The following EFCAB11 variants were observed in gnomAD, a reference collection of about 807,000 sequenced individuals.
The protein encoded by EFCAB11 is EF-hand calcium-binding domain-containing protein 11.
EFCAB11 carries 14 observed loss-of-function variants against 23.0 expected under a neutral mutation model. The ratio of observed to expected loss-of-function variants is 0.61; its 90% confidence interval spans 0.40 to 0.95. The LOEUF (loss-of-function observed/expected upper bound fraction) is 0.95. EFCAB11 is among the 40% of genes least tolerant of loss of function. EFCAB11 has a pLI of 0.00. For synonymous variants in EFCAB11, 65 were observed against 66.6 expected (o/e 0.98, Z 0.11); for missense variants, 198 against 195.8 (o/e 1.01, Z -0.07).
intron 5 of EFCAB11, among the ~76,000 whole-genome samples, chr14:89,906,842 A>G (rs372373401): frequency 1.2e-4 from 19 of 152,364 alleles, no homozygotes; most frequent in African/African-American, 4.3e-4. Context: ...AGTATTTATC[A>G]TGCACATAGT....
intron 5 of EFCAB11, among the ~76,000 whole-genome samples, chr14:89,850,421 T>C (rs1887569367): frequency 6.6e-6 from 1 of 152,184 alleles, no homozygotes; most frequent in Admixed American, 6.5e-5. Context: ...TAGATGCTAA[T>C]TTTAGGCCCT....
intron 5 of EFCAB11, among the ~76,000 whole-genome samples, chr14:89,803,338 G>C (rs1350684197): frequency 3.9e-5 from 6 of 152,222 alleles, no homozygotes; most frequent in Non-Finnish European, 4.4e-5. Context: ...GTTTTGAAAT[G>C]AGCCCAGAGA....
Position 89,913,684 on chromosome 14 carries a change from T to C in EFCAB11, c.410+17857A>G, listed in dbSNP as rs1238923368. ...CCTAATTAACAGTGTTTTATGACTTTACCAACCACGCTGAAGGCTTCTTCT... is the reference window on the plus strand; with the variant it reads ...CCTAATTAACAGTGTTTTATGACTTCACCAACCACGCTGAAGGCTTCTTCT... On this transcript the variant is annotated intron_variant, in intron 5 of 5. Coordinates refer to ENST00000316738, the MANE Select transcript of EFCAB11 (RefSeq NM_145231.4). 2.6e-5 allele frequency among the ~76,000 whole-genome samples: 4 copies of C among 152,338 alleles called. No individual in the cohort carries two copies. The East Asian group carries it at 5.8e-4, about 22-fold the overall frequency.
rs34765514 is a variant in EFCAB11, at chr14:89,945,912, AT to A, written c.217+4184del. On this transcript the variant is annotated intron_variant, in intron 3 of 5. Coordinates refer to ENST00000316738, the MANE Select transcript of EFCAB11 (RefSeq NM_145231.4). ...TATTTTGAATTTCCATTATTAGGGG[AT>A]TTTTTTTTTTTATTTTTTTTTTTGA... Among the ~76,000 whole-genome samples the A allele has an allele frequency of 1.8e-3, 242 of 135,574 alleles. 1 individual carries two copies. Among genetic ancestry groups the A allele is most frequent in the African/African-American group, 5.1e-3 (187 of 36,588 alleles). The allele number at this position is 135,574 out of a possible 152,430, so 88.9% of individuals were successfully genotyped here.
intron 5 of EFCAB11, among the ~76,000 whole-genome samples, chr14:89,920,699 A>G (rs1281865416): frequency 6.6e-6 from 1 of 152,206 alleles, no homozygotes; most frequent in African/African-American, 2.4e-5. Context: ...ACCATTAAAT[A>G]TGTCAATATG....
At chr14:89,862,826 G>A (rs1037133330) in intron 5 of EFCAB11, among the ~76,000 whole-genome samples, 5 of 152,156 alleles carry the variant, frequency 3.3e-5, no homozygotes, top group African/African-American at 4.8e-5. Flanking sequence ...TCCTGGAGAA[G>A]GTAAGACAAA....
intron 5 of EFCAB11, among the ~76,000 whole-genome samples, chr14:89,882,985 G>A (rs1290336633): frequency 6.6e-6 from 1 of 152,038 alleles, no homozygotes; most frequent in Non-Finnish European, 1.5e-5. Flanking sequence ...GAAGAGCCGG[G>A]CGCCTCCCCA....
chr14:89,847,582 A>G (rs1008207577), intron 5 of EFCAB11, among the ~76,000 whole-genome samples: 2 of 152,130 alleles, frequency 1.3e-5, no homozygotes, highest in South Asian at 4.1e-4. Flanking sequence ...TCTACTAAAA[A>G]TACAAAATTA....
chr14:89,937,713 A>G (rs187817377), intron 3 of EFCAB11, among the ~76,000 whole-genome samples: 86 of 152,134 alleles, frequency 5.7e-4, no homozygotes, highest in African/African-American at 1.7e-3. Flanking sequence ...TTTAGTAGAG[A>G]CGGGGTTTCA....
chr14:89,917,525 G>A lies in EFCAB11; in HGVS notation c.410+14016C>T, dbSNP rs552205193. On this transcript the variant is annotated intron_variant, in intron 5 of 5. Transcript: ENST00000316738. Reference sequence around the variant, plus strand: ...CACTTAATATGGGTTTCCATATCTCGGCTATTGTGAATAATGCTGCAATTA... The same window carrying A: ...CACTTAATATGGGTTTCCATATCTCAGCTATTGTGAATAATGCTGCAATTA... 3.2e-4 allele frequency among the ~76,000 whole-genome samples: 48 copies of A among 152,118 alleles called. No individual in the cohort carries two copies. The Middle Eastern group carries it at 0.01, about 32-fold the overall frequency.
chr14:89,923,233 T>C (rs1489727442), intron 5 of EFCAB11: 4 of 152,196 alleles, frequency 2.6e-5, no homozygotes, highest in African/African-American at 7.2e-5. Flanking sequence ...CTCTGAAAAA[T>C]TGGTATTTTC....
At chr14:89,898,838 AT>A (rs35985144) in intron 5 of EFCAB11, among the ~76,000 whole-genome samples, 1 of 145,964 alleles carries the variant, frequency 6.9e-6, no homozygotes, top group Non-Finnish European at 1.5e-5. Context: ...TGCCCAGCTA[AT>A]TTTTTTTCAT....
chr14:89,935,452 A>G (rs993901379), intron 3 of EFCAB11, among the ~76,000 whole-genome samples: 1 of 136,232 alleles, frequency 7.3e-6, no homozygotes, highest in Non-Finnish European at 1.5e-5. Context: ...CCCAGGCTGG[A>G]GTGCAAAGGC....
chr14:89,810,340 C>T (rs1202317432), intron 5 of EFCAB11, among the ~76,000 whole-genome samples: 11 of 152,164 alleles, frequency 7.2e-5, no homozygotes, highest in Non-Finnish European at 1.6e-4. Context: ...TTGGATCCTG[C>T]TATTTAAATG....
intron 5 of EFCAB11, among the ~76,000 whole-genome samples, chr14:89,852,725 C>T (rs1887635038): frequency 1.3e-5 from 2 of 152,216 alleles, no homozygotes; most frequent in African/African-American, 4.8e-5. Flanking sequence ...ATTTTATCCA[C>T]AGCTAATGTG....
At chr14:89,809,564 A>G (rs1180156951) in intron 5 of EFCAB11, among the ~76,000 whole-genome samples, 1 of 152,238 alleles carries the variant, frequency 6.6e-6, no homozygotes, top group Non-Finnish European at 1.5e-5. Flanking sequence ...GTGCCCTTCT[A>G]GTAACAACTC....
At position 89,797,271 on chromosome 14, in the gene EFCAB11, G is replaced by A. The variant is rs1380263601; in HGVS notation, c.464C>T (p.Ala155Val). ...GHVSFRDFEYALNYGQKEA is the reference protein window; with the variant it reads ...GHVSFRDFEYVLNYGQKEA ...GGCTTCCTTCTGTCCATAGTTCAGG[G>A]CATATTCAAAGTCTCTAAAGCTGAC... Residue 155 changes from alanine (A) to valine (V), a missense_variant, in exon 6 of 6, where the codon GCC (alanine) becomes GTC (valine). Ala to Val is a moderately conservative substitution (Grantham distance 64). Transcript: ENST00000316738. The A allele has an allele frequency of 1.2e-6, 2 of 1,613,118 alleles. No individual in the cohort carries two copies. The highest frequency in any genetic ancestry group is 1.7e-5 in the Admixed American group (1 of 59,986).
rs564649796 is a variant in EFCAB11 at position 89,935,765 on chromosome 14, T to C, written c.218-3138A>G. 1.9e-4 allele frequency among the ~76,000 whole-genome samples: 29 copies of C among 152,266 alleles called. 1 individual carries two copies. Among genetic ancestry groups the C allele is most frequent in the Admixed American group, 1.9e-3 (29 of 15,302 alleles). On this transcript the variant is annotated intron_variant, in intron 3 of 5. Transcript: ENST00000316738. ...AGCTCACGCCTGTAATCCCAGCAAT[T>C]TGGGAGGCTGAGGCAGGCAGATCAC... is the stretch of plus-strand genomic sequence containing the variant.
intron 3 of EFCAB11, among the ~76,000 whole-genome samples, chr14:89,940,573 T>C (rs554025766): frequency 6.6e-6 from 1 of 152,350 alleles, no homozygotes; most frequent in East Asian, 1.9e-4. Flanking sequence ...ATTACTGCTA[T>C]GATGAATCAA....
Sources: allele counts gnomAD v4.1 joint callset (sites outside exome capture counted in the v4.1 genomes callset), GRCh38; gene constraint gnomAD v4.1.1; transcripts MANE v1.5; gene names NCBI Gene and HGNC (gene_info 2026-07-23, HGNC 2026-07-21).